The following RPS20 variants were observed in gnomAD, a reference collection of about 807,000 sequenced individuals.
RPS20 encodes ribosomal protein S20.
In RPS20, 3 loss-of-function variants were observed where a neutral mutation model predicts 15.3. The ratio of observed to expected loss-of-function variants is 0.20; its 90% CI spans 0.09 to 0.51. The LOEUF (loss-of-function observed/expected upper bound fraction) is 0.51, where lower values mean the gene tolerates loss of function less well. Among genes scored for constraint, RPS20 ranks in the 20% least tolerant of loss-of-function variants. The pLI, the probability that RPS20 is intolerant of heterozygous loss-of-function variation, is 0.96. For missense variants in RPS20, 67 were observed against 145.9 expected (o/e 0.46, Z 2.79); for synonymous variants, 62 against 47.8 (o/e 1.30, Z -1.23).
chr8:56,068,807 C>CTTTTTTTTTTTTT (rs61576194), downstream of RPS20, among the ~76,000 whole-genome samples: 20 of 27,692 alleles, frequency 7.2e-4, 3 homozygotes, highest in Non-Finnish European at 9.2e-4. Flanking sequence ...GTGAAAATAT[C>CTTTTTTTTTTTTT]TTTTTTTTTT....
At chr8:56,073,630 A>C in intron 3 of RPS20, 65 bp downstream of exon 3, 1 of 1,398,390 alleles carries the variant, frequency 7.2e-7, no homozygotes, top group Non-Finnish European at 1.0e-6. Flanking sequence ...GAACTCCTTA[A>C]AGAACCTGAA....
At position 56,074,165 on chromosome 8, in the gene RPS20, A is replaced by C; in HGVS notation, c.4-6T>G. The C allele has an allele frequency of 6.2e-7, 1 of 1,607,058 alleles. No homozygotes were observed. The highest frequency in any genetic ancestry group is 8.5e-7 in the Non-Finnish European group (1 of 1,177,088). On this transcript the variant is annotated splice_polypyrimidine_tract_variant and splice_region_variant and intron_variant, in intron 1 of 3. Transcript: ENST00000009589. ...TTTCCGGTATCCTTAAAAGCCTATT[A>C]TTAGATACATGAAAAAGAACAATAA...
intron 1 of RPS20, 97 bp from the exon 2 acceptor site, chr8:56,074,256 T>C (rs1809867369): frequency 1.3e-6 from 2 of 1,526,540 alleles, no homozygotes; most frequent in African/African-American, 1.4e-5. Flanking sequence ...TTCCCCACCA[T>C]TTCAGGAGCG....
At chr8:56,067,630 G>C (rs905679431) in exon 6 of RPS20, 10 of 151,668 alleles carry the variant, frequency 6.6e-5, no homozygotes, top group Non-Finnish European at 1.5e-4. Flanking sequence ...AGCTTGCAGT[G>C]AGCCGAGATC....
chr8:56,073,662 A>T, intron 3 of RPS20, 33 bp downstream of exon 3: 1 of 1,568,764 alleles, frequency 6.4e-7, no homozygotes, highest in Non-Finnish European at 8.8e-7. Context: ...TCCGGAAGCA[A>T]CTCCTACTTC....
chr8:56,070,844 A>G (rs998707210), downstream of RPS20, among the ~76,000 whole-genome samples: 30 of 152,200 alleles, frequency 2.0e-4, no homozygotes, highest in African/African-American at 7.2e-4. Flanking sequence ...GTGCTCTGCA[A>G]ATCCAAATAG....
downstream of RPS20, among the ~76,000 whole-genome samples, chr8:56,070,684 G>A (rs530974864): frequency 1.3e-5 from 2 of 149,738 alleles, no homozygotes; most frequent in African/African-American, 4.9e-5. Flanking sequence ...AGCCATGTTC[G>A]CACGACTGCA....
At chr8:56,068,827 TTTTTTTTTTTTTTTTTTG>T (rs1809679567), downstream of RPS20, among the ~76,000 whole-genome samples, 1 of 119,556 alleles carries the variant, frequency 8.4e-6, no homozygotes, top group Admixed American at 8.9e-5. Context: ...TTTTTTTTTT[TTTTTTTTTTTTTTTTTTG>T]AGACAGAGTC....
downstream of RPS20, among the ~76,000 whole-genome samples, chr8:56,070,305 T>C (rs1396764374): frequency 6.6e-6 from 1 of 152,198 alleles, no homozygotes; most frequent in African/African-American, 2.4e-5. Flanking sequence ...AGTAACTTGA[T>C]CGTCTCCATA....
intron 2 of RPS20, 68 bp from the exon 3 acceptor site, chr8:56,073,836 G>A (rs1286564299): frequency 2.6e-5 from 37 of 1,403,440 alleles, no homozygotes; most frequent in Admixed American, 3.3e-5. Context: ...CTTCACTTCT[G>A]CTGGCTCAGA....
At chr8:56,069,944 C>A, downstream of RPS20, 1 of 696,112 alleles carries the variant, frequency 1.4e-6, no homozygotes, top group Non-Finnish European at 2.6e-6. Flanking sequence ...ATACCATTTA[C>A]ATTGTATTAG....
downstream of RPS20, among the ~76,000 whole-genome samples, chr8:56,071,213 G>GT (rs1291896494): frequency 6.6e-6 from 1 of 152,278 alleles, no homozygotes; most frequent in African/African-American, 2.4e-5. Flanking sequence ...TTACTGAAGT[G>GT]TATTTTTCAC....
chr8:56,071,175 T>C (rs1047231219), downstream of RPS20, among the ~76,000 whole-genome samples: 2 of 152,222 alleles, frequency 1.3e-5, no homozygotes, highest in African/African-American at 4.8e-5. Flanking sequence ...GTGAAAGCCA[T>C]GAAGCTGTCC....
intron 3 of RPS20, 114 bp downstream of exon 3, chr8:56,073,581 C>T (rs1809832630): frequency 1.3e-5 from 11 of 831,994 alleles, no homozygotes; most frequent in Admixed American, 1.3e-4. Flanking sequence ...TTTCTATGTG[C>T]GTTTGTAGAC....
chr8:56,073,620 G>T (rs1424741531), intron 3 of RPS20, 75 bp downstream of exon 3: 3 of 1,265,376 alleles, frequency 2.4e-6, no homozygotes, highest in Admixed American at 3.4e-5. Context: ...TTTGGCAGCC[G>T]AACTCCTTAA....
In RPS20 at chr8:56,074,500, C is replaced by G. The variant is rs73679777; in HGVS notation, c.-117G>C. On this transcript the variant is annotated 5_prime_UTR_variant, in exon 1 of 4. Transcript: ENST00000009589. Reference sequence around the variant, plus strand: ...TCAGCCCTTACGACCGCGTCTTCCTCAAAAAGAAAGGGGTGGGACTTGAGC... The same window carrying G: ...TCAGCCCTTACGACCGCGTCTTCCTGAAAAAGAAAGGGGTGGGACTTGAGC... The G allele has an allele frequency of 6.3e-3, 7,458 of 1,181,542 alleles. 201 individuals are homozygous for G. In the African/African-American group the frequency reaches 0.069, roughly 11 times the overall value. The allele number at this position is 1,181,542 out of a possible 1,614,324, so 73.2% of individuals were successfully genotyped here.
At chr8:56,072,861 T>TG (rs911007142), downstream of RPS20, 137 of 1,238,864 alleles carry the variant, frequency 1.1e-4, no homozygotes, top group African/African-American at 1.8e-3. Context: ...AAACTGCCAG[T>TG]GTCCAATAAA....
downstream of RPS20, among the ~76,000 whole-genome samples, chr8:56,072,552 C>A (rs1270145200): frequency 1.3e-5 from 2 of 148,964 alleles, no homozygotes; most frequent in African/African-American, 2.5e-5. Flanking sequence ...ACGCCGTCCC[C>A]CCCCCCAAAA....
downstream of RPS20, chr8:56,068,116 G>A (rs1164234812): frequency 6.6e-6 from 1 of 152,174 alleles, no homozygotes; most frequent in Non-Finnish European, 1.5e-5. Context: ...ACTGGTATTA[G>A]TTGACAATCC....
Sources: gnomAD v4.1 joint callset for allele counts (sites outside exome capture counted in the v4.1 genomes callset) on GRCh38, gnomAD v4.1.1 for gene constraint, MANE v1.5 for transcripts, NCBI Gene and HGNC (gene_info 2026-07-23, HGNC 2026-07-21) for gene names.